PRKD1: variants seen among roughly 807,000 people sequenced by gnomAD.
PRKD1 encodes the protein serine/threonine-protein kinase D1.
A neutral mutation model predicts 95.9 loss-of-function variants in PRKD1; 63 were observed. The observed-to-expected ratio is 0.66, with a 90% CI of 0.54 to 0.81. The LOEUF (loss-of-function observed/expected upper bound fraction) is 0.81, where lower values mean the gene tolerates loss of function less well. Ranked by LOEUF, PRKD1 falls within the 30% of genes least tolerant of loss-of-function variation. The pLI, the probability that PRKD1 is intolerant of heterozygous loss-of-function variation, is 0.00. For synonymous variants in PRKD1, 425 were observed against 423.1 expected (o/e 1.00, Z -0.05); for missense variants, 1,048 against 1,165.3 (o/e 0.90, Z 1.47).
chr14:29,802,800 C>T (rs1324673512), intron 1 of PRKD1, among the ~76,000 whole-genome samples: 1 of 152,186 alleles, frequency 6.6e-6, no homozygotes, highest in Non-Finnish European at 1.5e-5. Context: ...AGCAACTTTC[C>T]AGTTTCTGAA....
chr14:29,726,284 C>T (rs193159761), intron 1 of PRKD1, among the ~76,000 whole-genome samples: 63 of 152,222 alleles, frequency 4.1e-4, no homozygotes, highest in Admixed American at 7.2e-4. Context: ...TCTGTCAATC[C>T]ACAATCTCAT....
At chr14:29,879,748 A>C (rs755322122) in intron 1 of PRKD1, among the ~76,000 whole-genome samples, 2 of 152,110 alleles carry the variant, frequency 1.3e-5, no homozygotes, top group Non-Finnish European at 2.9e-5. Flanking sequence ...TAGGAACAAT[A>C]AGGTCCAGGC....
intron 1 of PRKD1, among the ~76,000 whole-genome samples, chr14:29,858,618 T>A (rs1320614275): frequency 6.6e-6 from 1 of 152,108 alleles, no homozygotes; most frequent in Non-Finnish European, 1.5e-5. Context: ...GTCCCTACTT[T>A]TCCCCTGGGA....
intron 12 of PRKD1, 129 bp downstream of exon 12, chr14:29,626,355 A>C (rs1317014927): frequency 1.3e-6 from 1 of 776,990 alleles, no homozygotes; most frequent in African/African-American, 1.8e-5. Flanking sequence ...CGCAGAACAC[A>C]AAAAGATACA....
At chr14:29,755,281 C>A (rs1887646793) in intron 1 of PRKD1, among the ~76,000 whole-genome samples, 1 of 151,936 alleles carries the variant, frequency 6.6e-6, no homozygotes. Context: ...AGTGTTTTCC[C>A]ATATCTACTA....
At chr14:29,775,526 A>G (rs1888700990) in intron 1 of PRKD1, among the ~76,000 whole-genome samples, 1 of 152,088 alleles carries the variant, frequency 6.6e-6, no homozygotes, top group African/African-American at 2.4e-5. Flanking sequence ...AGGGTCCCCC[A>G]CCCACGGACC....
Position 29,754,030 on chromosome 14 carries a change from T to A in PRKD1, c.265-28356A>T, listed in dbSNP as rs181542252. Among the ~76,000 whole-genome samples the A allele has an allele frequency of 2.3e-4, 35 of 152,316 alleles. 1 individual carries two copies. Among genetic ancestry groups the A allele is most frequent in the Admixed American group, 1.1e-3 (17 of 15,286 alleles). On this transcript the variant is annotated intron_variant, in intron 1 of 17. Transcript: ENST00000331968. ...GTTCTGTAGGATGATGGCAACAGTT[T>A]ACACTTTTACCAGCAGTGCCTAAGG...
chr14:29,622,367 C>CCCTTCCGTCCTT (rs1555329013), intron 13 of PRKD1, among the ~76,000 whole-genome samples: 3 of 144,866 alleles, frequency 2.1e-5, no homozygotes, highest in Non-Finnish European at 3.0e-5. Flanking sequence ...GTATTTTTCT[C>CCCTTCCGTCCTT]CCTTCCTTCC....
chr14:29,788,177 GT>G (rs1432790090), intron 1 of PRKD1, among the ~76,000 whole-genome samples: 2 of 152,102 alleles, frequency 1.3e-5, no homozygotes, highest in Admixed American at 1.3e-4. Flanking sequence ...TTGAAGGAGA[GT>G]TTTTATGCTT....
chr14:29,841,698 G>A (rs117567890), intron 1 of PRKD1, among the ~76,000 whole-genome samples: 1,822 of 152,080 alleles, frequency 0.012, 14 homozygotes, highest in Admixed American at 0.018. Flanking sequence ...TTTATCAGCA[G>A]CATGAAAAGA....
intron 10 of PRKD1, among the ~76,000 whole-genome samples, chr14:29,629,988 CTCT>C (rs35838437): frequency 0.47 from 67,257 of 143,462 alleles, 18,224 homozygotes; most frequent in East Asian, 0.69. Context: ...CTTCCTCCTC[CTCT>C]TCTTCTTCTT....
At chr14:29,684,482 TA>T (rs1442367253) in intron 2 of PRKD1, among the ~76,000 whole-genome samples, 1 of 152,244 alleles carries the variant, frequency 6.6e-6, no homozygotes, top group Non-Finnish European at 1.5e-5. Context: ...CAGACATTGT[TA>T]TCACCTTTTA....
intron 1 of PRKD1, among the ~76,000 whole-genome samples, chr14:29,832,086 A>G (rs1175422208): frequency 3.3e-5 from 5 of 152,192 alleles, no homozygotes; most frequent in Non-Finnish European, 5.9e-5. Flanking sequence ...GCTTATCTGC[A>G]GAAGTTTCTG....
intron 9 of PRKD1, 37 bp from the exon 10 acceptor site, chr14:29,631,058 A>G (rs1367104809): frequency 6.5e-7 from 1 of 1,534,994 alleles, no homozygotes; most frequent in South Asian, 1.2e-5. Context: ...TTGTTTATCA[A>G]AAGTATGTAA....
chr14:29,595,665 T>C (rs972493656), intron 16 of PRKD1, among the ~76,000 whole-genome samples: 5 of 152,208 alleles, frequency 3.3e-5, no homozygotes, highest in African/African-American at 9.6e-5. Flanking sequence ...TATAGTTACA[T>C]AGCAAGTCAA....
intron 1 of PRKD1, among the ~76,000 whole-genome samples, chr14:29,758,032 A>G (rs759871129): frequency 3.9e-5 from 6 of 152,134 alleles, no homozygotes; most frequent in Non-Finnish European, 8.8e-5. Context: ...CTAAGGACCT[A>G]TGAAATGCAG....
intron 1 of PRKD1, among the ~76,000 whole-genome samples, chr14:29,729,488 A>C (rs1010333837): frequency 6.6e-6 from 1 of 152,008 alleles, no homozygotes; most frequent in Non-Finnish European, 1.5e-5. Context: ...CCACCCTTTT[A>C]ATGACTATCC....
In PRKD1 at chr14:29,630,502, T is replaced by C. The variant is rs1879927772; in HGVS notation, c.1672+240A>G. On this transcript the variant is annotated intron_variant, in intron 10 of 17. Transcript: ENST00000331968. ...CTGTAATTGCCTAATACATAGTGTT[T>C]ACCTGAATTTGTTAAATTTTAATAT... 5.8e-6 allele frequency: 3 copies of C among 520,094 alleles called. No individual in the cohort carries two copies. The Admixed American group carries it at 9.7e-5, about 17-fold the overall frequency. 32.2% of individuals were successfully genotyped at this position (520,094 alleles called of 1,614,324 possible). A position where few individuals can be genotyped will look rare whatever the true frequency, so the allele number is the denominator to read the frequency against.
chr14:29,838,667 T>C (rs967237208), intron 1 of PRKD1, among the ~76,000 whole-genome samples: 1 of 152,152 alleles, frequency 6.6e-6, no homozygotes, highest in Non-Finnish European at 1.5e-5. Context: ...TATCTAATTA[T>C]TGGGTACAGG....
Sources: allele counts gnomAD v4.1 joint callset (sites outside exome capture counted in the v4.1 genomes callset), GRCh38; gene constraint gnomAD v4.1.1; transcripts MANE v1.5; gene names NCBI Gene and HGNC (gene_info 2026-07-23, HGNC 2026-07-21).